The following FRAS1 variants were observed in gnomAD, a reference collection of about 807,000 sequenced individuals.
FRAS1 encodes the protein Fraser extracellular matrix complex subunit 1, also known as extracellular matrix organizing protein FRAS1.
In FRAS1, 290 loss-of-function variants were observed where a neutral mutation model predicts 435.2. That is an observed-to-expected ratio of 0.67 (90% CI 0.61 to 0.73). The LOEUF (loss-of-function observed/expected upper bound fraction) is 0.73, where lower values mean the gene tolerates loss of function less well. Among genes scored for constraint, FRAS1 ranks in the 30% least tolerant of loss-of-function variants. The pLI, the probability that FRAS1 is intolerant of heterozygous loss-of-function variation, is 0.00. For missense variants in FRAS1, 4,860 were observed against 5,001.5 expected, an observed-to-expected ratio of 0.97 and a Z score of 0.85; for synonymous variants, 1,800 against 1,851.0, an observed-to-expected ratio of 0.97 and a Z score of 0.71.
chr4:78,090,213 T>G (rs1039059439), intron 2 of FRAS1, among the ~76,000 whole-genome samples: 1 of 152,168 alleles, frequency 6.6e-6, no homozygotes, highest in African/African-American at 2.4e-5. Flanking sequence ...ACACAAATGG[T>G]ACATTTATGA....
At chr4:78,338,033 G>GA in intron 20 of FRAS1, 1 of 517,784 alleles carries the variant, frequency 1.9e-6, no homozygotes, top group Non-Finnish European at 3.5e-6. Context: ...TGCAAATCCT[G>GA]AAAATCTCAG....
chr4:78,116,436 AG>A (rs1743182309), intron 2 of FRAS1, among the ~76,000 whole-genome samples: 1 of 152,100 alleles, frequency 6.6e-6, no homozygotes, highest in Non-Finnish European at 1.5e-5. Flanking sequence ...GGGGTGTTAA[AG>A]TTTCCCATTA....
At chr4:78,324,708 C>CTTT (rs139942839) in intron 18 of FRAS1, among the ~76,000 whole-genome samples, 1,653 of 88,012 alleles carry the variant, frequency 0.019, 46 homozygotes, top group Non-Finnish European at 0.025. Flanking sequence ...GCTCAGATTC[C>CTTT]TTTTTTTTTT....
At position 78,423,172 on chromosome 4, in the gene FRAS1, CT is replaced by C. The variant is rs538467173; in HGVS notation, c.4678+1184del. The stretch of plus-strand genomic sequence containing the variant: ...GTGCCTATTTCTTTCTTTTCTTTTT[CT>C]TTTTTTTTTTTAAGATGGAGTCTCA... On this transcript the variant is annotated intron_variant, in intron 34 of 73. Transcript: ENST00000512123. Among the ~76,000 whole-genome samples the C allele has an allele frequency of 3.8e-3, 544 of 144,200 alleles. 1 individual carries two copies. Among genetic ancestry groups the C allele is most frequent in the Middle Eastern group, 0.011 (3 of 278 alleles). 94.6% of individuals were successfully genotyped at this position (144,200 alleles called of 152,430 possible).
At chr4:78,257,709 T>A (rs544567592) in intron 6 of FRAS1, among the ~76,000 whole-genome samples, 2 of 152,292 alleles carry the variant, frequency 1.3e-5, no homozygotes, top group East Asian at 3.9e-4. Flanking sequence ...TCCAGTCTTT[T>A]GGTAAGAAAA....
chr4:78,253,679 C>T (rs774955808), intron 5 of FRAS1, among the ~76,000 whole-genome samples: 4 of 152,128 alleles, frequency 2.6e-5, no homozygotes, highest in Non-Finnish European at 4.4e-5. Flanking sequence ...CTTGGAAGGG[C>T]GCAGTGTCCC....
intron 19 of FRAS1, among the ~76,000 whole-genome samples, chr4:78,335,491 C>A: frequency 6.6e-6 from 1 of 152,204 alleles, no homozygotes; most frequent in East Asian, 1.9e-4. Flanking sequence ...GTCACTTCTG[C>A]TATATTCTGT....
intron 2 of FRAS1, among the ~76,000 whole-genome samples, chr4:78,114,244 G>C (rs1742968026): frequency 6.6e-6 from 1 of 152,186 alleles, no homozygotes; most frequent in African/African-American, 2.4e-5. Flanking sequence ...TTGTAGTATA[G>C]TTTGAAGTCA....
intron 22 of FRAS1, among the ~76,000 whole-genome samples, chr4:78,367,549 A>G (rs1731325914): frequency 6.6e-6 from 1 of 152,168 alleles, no homozygotes; most frequent in Non-Finnish European, 1.5e-5. Context: ...TTGCAGCTCT[A>G]TGTCAAGAAA....
intron 2 of FRAS1, among the ~76,000 whole-genome samples, chr4:78,097,281 T>C (rs534314343): frequency 6.6e-6 from 1 of 152,232 alleles, no homozygotes; most frequent in South Asian, 2.1e-4. Flanking sequence ...GACAAGTCTC[T>C]AGGGAGTTCC....
chr4:78,159,395 T>C (rs1721040578), intron 2 of FRAS1, among the ~76,000 whole-genome samples: 1 of 152,136 alleles, frequency 6.6e-6, no homozygotes, highest in African/African-American at 2.4e-5. Context: ...TGTGCATTGT[T>C]TGAGAACAAT....
chr4:78,141,108 C>A (rs932640975), intron 2 of FRAS1, among the ~76,000 whole-genome samples: 15 of 151,996 alleles, frequency 9.9e-5, no homozygotes, highest in Admixed American at 7.9e-4. Context: ...AGGTTTGTTA[C>A]ATAGGTATAC....
At chr4:78,379,700 G>T in intron 26 of FRAS1, 26 bp from the exon 27 acceptor site, 1 of 1,598,368 alleles carries the variant, frequency 6.3e-7, no homozygotes. Flanking sequence ...CCATAAGCTT[G>T]ACCTTTGGAT....
At chr4:78,460,438 AAT>A (rs1719336338) in intron 47 of FRAS1, among the ~76,000 whole-genome samples, 2 of 152,238 alleles carry the variant, frequency 1.3e-5, no homozygotes, top group African/African-American at 4.8e-5. Context: ...CGGTAGGGAC[AAT>A]ATGTTATTAG....
intron 59 of FRAS1, among the ~76,000 whole-genome samples, chr4:78,495,538 G>A (rs1560412407): frequency 1.3e-5 from 2 of 152,074 alleles, no homozygotes; most frequent in South Asian, 4.1e-4. Flanking sequence ...AATTTTACTG[G>A]TGACAGGTTG....
At chr4:78,065,960 A>G (rs1450114754) in intron 1 of FRAS1, 25 bp from the exon 2 acceptor site, 1 of 1,592,952 alleles carries the variant, frequency 6.3e-7, no homozygotes. Context: ...ATCCCTTTTA[A>G]TTCTTGTTTT....
chr4:78,335,339 G>T (rs1730131557), intron 19 of FRAS1, among the ~76,000 whole-genome samples: 1 of 152,130 alleles, frequency 6.6e-6, no homozygotes, highest in African/African-American at 2.4e-5. Context: ...CTCTTCTCGT[G>T]GCTAATTGTA....
chr4:78,539,244 T>C, intron 72 of FRAS1, 50 bp from the exon 73 acceptor site: 2 of 1,585,216 alleles, frequency 1.3e-6, no homozygotes, highest in Non-Finnish European at 1.7e-6. Flanking sequence ...CCTACCAATA[T>C]AGTGGAACCA....
At chr4:78,151,733 A>G (rs1376856808) in intron 2 of FRAS1, among the ~76,000 whole-genome samples, 1 of 152,196 alleles carries the variant, frequency 6.6e-6, no homozygotes, top group Non-Finnish European at 1.5e-5. Context: ...GCAGACTTAC[A>G]AAAGAAAAAG....
Sources: allele counts gnomAD v4.1 joint callset (sites outside exome capture counted in the v4.1 genomes callset), GRCh38; gene constraint gnomAD v4.1.1; transcripts MANE v1.5; gene names NCBI Gene and HGNC (gene_info 2026-07-23, HGNC 2026-07-21).